LRRC37A2: variants seen among roughly 807,000 people sequenced by gnomAD.
LRRC37A2 encodes leucine-rich repeat-containing protein 37A2.
In LRRC37A2, 9 loss-of-function variants were observed where a neutral mutation model predicts 68.8. The ratio of observed to expected loss-of-function variants is 0.13; its 90% CI spans 0.08 to 0.23. The LOEUF (loss-of-function observed/expected upper bound fraction) is 0.23. Among genes scored for constraint, LRRC37A2 ranks in the 10% least tolerant of loss-of-function variants. The pLI is 1.00. For synonymous variants in LRRC37A2, 63 were observed against 367.6 expected (o/e 0.17, Z 9.48); for missense variants, 168 against 950.4 (o/e 0.18, Z 10.82).
chr17:46,499,311 C>CAA, the LRRC37A2 span, among the ~76,000 whole-genome samples: 615 of 59,484 alleles, frequency 0.01, 1 homozygote, highest in Middle Eastern at 0.012. Flanking sequence ...GACTCCAGCT[C>CAA]AAAAAAAAAA....
chr17:47,018,837 C>G, the LRRC37A2 span: 2 of 1,520,702 alleles, frequency 1.3e-6, no homozygotes, highest in Non-Finnish European at 1.8e-6. Flanking sequence ...ACCTTTGGAT[C>G]TGGGGTTTAC....
chr17:46,929,517 T>C, the LRRC37A2 span: 2 of 1,509,764 alleles, frequency 1.3e-6, no homozygotes, highest in Admixed American at 3.3e-5. Context: ...CTTCCTTTGA[T>C]AGGCAGGTCC....
chr17:46,408,543 T>TA, the LRRC37A2 span, among the ~76,000 whole-genome samples: 2 of 70,732 alleles, frequency 2.8e-5, no homozygotes, highest in African/African-American at 7.2e-5. Flanking sequence ...TTTTTTTTTT[T>TA]ATTTTGTAGG....
At chr17:46,724,314 G>T in the LRRC37A2 span, among the ~76,000 whole-genome samples, 1 of 152,116 alleles carries the variant, frequency 6.6e-6, no homozygotes, top group African/African-American at 2.4e-5. Flanking sequence ...ACACAACAAA[G>T]TTTATTTTTT....
chr17:46,862,163 C>CAA, the LRRC37A2 span, among the ~76,000 whole-genome samples: 11 of 80,324 alleles, frequency 1.4e-4, no homozygotes, highest in South Asian at 5.1e-3. Context: ...AACTCCGTCT[C>CAA]AAAAAAAAAA....
chr17:46,657,054 T>G, the LRRC37A2 span, among the ~76,000 whole-genome samples: 1 of 31,324 alleles, frequency 3.2e-5, no homozygotes, highest in Non-Finnish European at 7.8e-5. Context: ...ACAACATTCT[T>G]TATTTTGTAG....
At chr17:46,990,782 T>C in the LRRC37A2 span, among the ~76,000 whole-genome samples, 1 of 152,080 alleles carries the variant, frequency 6.6e-6, no homozygotes, top group Non-Finnish European at 1.5e-5. Flanking sequence ...GCAATTCTCA[T>C]GCCTCAGCCT....
At chr17:46,760,184 C>G in the LRRC37A2 span, among the ~76,000 whole-genome samples, 1 of 152,126 alleles carries the variant, frequency 6.6e-6, no homozygotes, top group African/African-American at 2.4e-5. Context: ...CATTTGAGCC[C>G]AGGGGGTCAA....
the LRRC37A2 span, among the ~76,000 whole-genome samples, chr17:46,918,013 T>C: frequency 6.6e-6 from 1 of 152,248 alleles, no homozygotes; most frequent in African/African-American, 2.4e-5. Flanking sequence ...TCTCTACTAA[T>C]TATTCTAAAT....
the LRRC37A2 span, chr17:46,929,487 G>T: frequency 4.3e-6 from 5 of 1,156,650 alleles, no homozygotes; most frequent in Non-Finnish European, 6.6e-6. Flanking sequence ...GATTACTCCT[G>T]TCTCACTCAT....
chr17:46,847,217 C>T, the LRRC37A2 span, among the ~76,000 whole-genome samples: 35 of 152,310 alleles, frequency 2.3e-4, no homozygotes, highest in African/African-American at 6.7e-4. Context: ...GCTGTGAGTT[C>T]CCTGGAGGGG....
the LRRC37A2 span, among the ~76,000 whole-genome samples, chr17:46,826,306 A>C: frequency 6.6e-6 from 1 of 152,208 alleles, no homozygotes; most frequent in Non-Finnish European, 1.5e-5. Flanking sequence ...GCCTAATCAC[A>C]TGGATGGAGG....
At chr17:46,747,079 G>A in the LRRC37A2 span, among the ~76,000 whole-genome samples, 2 of 152,094 alleles carry the variant, frequency 1.3e-5, no homozygotes, top group African/African-American at 4.8e-5. Context: ...TAATCAGCCA[G>A]GTCTTACCTG....
the LRRC37A2 span, among the ~76,000 whole-genome samples, chr17:46,845,397 T>C: frequency 6.6e-6 from 1 of 151,746 alleles, no homozygotes; most frequent in Non-Finnish European, 1.5e-5. Flanking sequence ...ATATTCACGG[T>C]GAGCCCAGTG....
the LRRC37A2 span, among the ~76,000 whole-genome samples, chr17:46,780,096 T>C: frequency 6.6e-6 from 1 of 152,208 alleles, no homozygotes; most frequent in Non-Finnish European, 1.5e-5. Flanking sequence ...ATCAGTGAAT[T>C]CAGGTCAGCC....
chr17:46,974,728 T>A, the LRRC37A2 span, among the ~76,000 whole-genome samples: 1 of 82,784 alleles, frequency 1.2e-5, no homozygotes, highest in Non-Finnish European at 2.6e-5. Context: ...AGCAAGACTC[T>A]CTCTCAAAAA....
chr17:46,865,105 G>A, the LRRC37A2 span, among the ~76,000 whole-genome samples: 1 of 152,200 alleles, frequency 6.6e-6, no homozygotes, highest in Non-Finnish European at 1.5e-5. Flanking sequence ...TACGTGCCAG[G>A]GACAAAGGCT....
chr17:47,022,803 A>T, the LRRC37A2 span, among the ~76,000 whole-genome samples: 1 of 152,194 alleles, frequency 6.6e-6, no homozygotes, highest in African/African-American at 2.4e-5. Context: ...ATCATGGTTT[A>T]TTTAATAATT....
the LRRC37A2 span, chr17:46,966,514 AT>A: frequency 1.5e-5 from 10 of 686,600 alleles, no homozygotes; most frequent in East Asian, 2.2e-4. Context: ...CACCCGATTA[AT>A]TTTTTGTATT....
Sources: allele counts gnomAD v4.1 joint callset (sites outside exome capture counted in the v4.1 genomes callset), GRCh38; gene constraint gnomAD v4.1.1; transcripts MANE v1.5; gene names NCBI Gene and HGNC (gene_info 2026-07-23, HGNC 2026-07-21).